The following DHRSX variants were observed in gnomAD, a reference collection of about 807,000 sequenced individuals.
DHRSX encodes polyprenol dehydrogenase.
A neutral mutation model predicts 34.0 loss-of-function variants in DHRSX; 31 were observed. That is an observed-to-expected ratio of 0.91 (90% CI 0.69 to 1.23). DHRSX has a LOEUF of 1.23. Among genes scored for constraint, DHRSX ranks in the 50% most tolerant of loss-of-function variants. The pLI is 0.00. For synonymous variants in DHRSX, 201 were observed against 183.8 expected, an observed-to-expected ratio of 1.09 and a Z score of -0.76; for missense variants, 414 against 428.1, an observed-to-expected ratio of 0.97 and a Z score of 0.29.
intron 3 of DHRSX, among the ~76,000 whole-genome samples, chrX:2,358,044 G>C (rs1012454792): frequency 2.0e-5 from 3 of 152,190 alleles, no homozygotes; most frequent in African/African-American, 4.8e-5. Context: ...ATAGCATGTG[G>C]TGGATGGCTA....
At chrX:2,426,442 C>T (rs1276656710) in intron 1 of DHRSX, among the ~76,000 whole-genome samples, 2 of 148,636 alleles carry the variant, frequency 1.3e-5, no homozygotes, top group Non-Finnish European at 3.0e-5. Flanking sequence ...TTCATTCTTT[C>T]CTTCCCTCCC....
chrX:2,442,671 C>T (rs977033756), intron 1 of DHRSX, among the ~76,000 whole-genome samples: 12 of 151,880 alleles, frequency 7.9e-5, no homozygotes, highest in Non-Finnish European at 1.3e-4. Flanking sequence ...AACCCAGCCG[C>T]GATTTCCTAG....
intron 3 of DHRSX, chrX:2,336,251 G>C (rs1041799655): frequency 6.6e-6 from 1 of 151,952 alleles, no homozygotes; most frequent in Admixed American, 6.6e-5. Flanking sequence ...CTCATGATCC[G>C]CCTGCCTCAC....
intron 4 of DHRSX, among the ~76,000 whole-genome samples, chrX:2,271,930 A>G (rs1391804381): frequency 6.6e-6 from 1 of 152,028 alleles, no homozygotes; most frequent in Non-Finnish European, 1.5e-5. Flanking sequence ...AATCCCAGCT[A>G]CTCGGGAAGC....
chrX:2,243,685 T>C (rs1181655188), intron 5 of DHRSX, among the ~76,000 whole-genome samples: 1 of 151,650 alleles, frequency 6.6e-6, no homozygotes, highest in African/African-American at 2.4e-5. Flanking sequence ...ATGGAAGTTT[T>C]ACCATGTTGG....
At chrX:2,231,870 C>G (rs2015895582) in intron 6 of DHRSX, among the ~76,000 whole-genome samples, 1 of 148,808 alleles carries the variant, frequency 6.7e-6, no homozygotes, top group Admixed American at 6.8e-5. Flanking sequence ...CCTCCTCCAT[C>G]TTCTCCAACT....
intron 3 of DHRSX, among the ~76,000 whole-genome samples, chrX:2,331,436 GTTTTTTTTT>G (rs1159991841): frequency 0.15 from 14,510 of 95,180 alleles, 2,388 homozygotes; most frequent in African/African-American, 0.43. Flanking sequence ...AGGTTTTTTG[GTTTTTTTTT>G]TTTTTTTTTT....
At chrX:2,404,890 C>A (rs1479264994) in intron 3 of DHRSX, among the ~76,000 whole-genome samples, 1 of 152,332 alleles carries the variant, frequency 6.6e-6, no homozygotes, top group Non-Finnish European at 1.5e-5. Context: ...TCCCTCTACA[C>A]AGAAACCAAT....
chrX:2,470,554 A>T (rs1214884211), intron 1 of DHRSX, among the ~76,000 whole-genome samples: 1 of 152,190 alleles, frequency 6.6e-6, no homozygotes, highest in East Asian at 1.9e-4. Context: ...CAAAAAATTT[A>T]AAAATTAACC....
intron 3 of DHRSX, among the ~76,000 whole-genome samples, chrX:2,384,386 G>T (rs181122883): frequency 1.1e-4 from 17 of 152,244 alleles, no homozygotes; most frequent in South Asian, 4.1e-4. Flanking sequence ...TGGAGAACAC[G>T]GACGTGGTTG....
chrX:2,440,589 G>A (rs957535627), intron 1 of DHRSX, among the ~76,000 whole-genome samples: 4 of 151,614 alleles, frequency 2.6e-5, no homozygotes, highest in Admixed American at 6.6e-5. Context: ...GTGCAGTGGC[G>A]GGATCTCTAG....
At chrX:2,297,145 C>T (rs2041944230) in intron 3 of DHRSX, among the ~76,000 whole-genome samples, 1 of 152,218 alleles carries the variant, frequency 6.6e-6, no homozygotes, top group Admixed American at 6.5e-5. Flanking sequence ...TTTATTGAGA[C>T]AGGGTCTCGT....
At chrX:2,392,614 T>C (rs1279895432) in intron 3 of DHRSX, 1 of 158,066 alleles carries the variant, frequency 6.3e-6, no homozygotes, top group Non-Finnish European at 1.3e-5. Context: ...ATGCTTATTA[T>C]ATATTATATT....
intron 1 of DHRSX, chrX:2,488,406 C>T (rs1246617467): frequency 1.5e-5 from 8 of 522,142 alleles, no homozygotes; most frequent in Non-Finnish European, 2.3e-5. Context: ...ATCTCCTGAC[C>T]TCAGCTGATC....
intron 1 of DHRSX, among the ~76,000 whole-genome samples, chrX:2,483,380 T>A (rs2044803439): frequency 6.6e-6 from 1 of 152,076 alleles, no homozygotes. Flanking sequence ...CCTCCCACCT[T>A]CGCCTCCTGA....
intron 1 of DHRSX, among the ~76,000 whole-genome samples, chrX:2,475,610 C>T (rs778744584): frequency 2.6e-5 from 4 of 151,770 alleles, no homozygotes; most frequent in African/African-American, 9.7e-5. Context: ...AGGGATCACA[C>T]TCACTGAAGA....
At chrX:2,425,154 A>C in intron 2 of DHRSX, 43 bp downstream of exon 2, 1 of 1,517,082 alleles carries the variant, frequency 6.6e-7, no homozygotes, top group Non-Finnish European at 9.0e-7. Context: ...AAAAAAAAAA[A>C]ACCGAAAAAA....
At chrX:2,498,348 G>A (rs901773432) in intron 1 of DHRSX, among the ~76,000 whole-genome samples, 6 of 152,196 alleles carry the variant, frequency 3.9e-5, no homozygotes, top group African/African-American at 1.4e-4. Context: ...CTCACCAACA[G>A]CGAAGGCCTA....
intron 3 of DHRSX, among the ~76,000 whole-genome samples, chrX:2,327,102 C>T (rs1296279910): frequency 3.3e-5 from 5 of 152,184 alleles, no homozygotes; most frequent in Admixed American, 6.5e-5. Context: ...CGTGAGCCAC[C>T]GTGCCCGACC....
Sources: gnomAD v4.1 joint callset for allele counts (sites outside exome capture counted in the v4.1 genomes callset) on GRCh38, gnomAD v4.1.1 for gene constraint, MANE v1.5 for transcripts, NCBI Gene and HGNC (gene_info 2026-07-23, HGNC 2026-07-21) for gene names.